The following CACNA2D3 variants were observed in gnomAD, a reference collection of about 807,000 sequenced individuals.
CACNA2D3 encodes voltage-dependent calcium channel subunit alpha-2/delta-3.
A neutral mutation model predicts 160.6 loss-of-function variants in CACNA2D3; 60 were observed. The ratio of observed to expected loss-of-function variants is 0.37; its 90% CI spans 0.30 to 0.46. CACNA2D3 has a LOEUF of 0.46. CACNA2D3 is among the 20% of genes least tolerant of loss of function. CACNA2D3 has a pLI of 1.00. For synonymous variants in CACNA2D3, 558 were observed against 492.9 expected (o/e 1.13, Z -1.75); for missense variants, 1,205 against 1,365.0 (o/e 0.88, Z 1.85).
At chr3:54,675,636 C>A (rs145385250) in intron 11 of CACNA2D3, among the ~76,000 whole-genome samples, 138 of 152,192 alleles carry the variant, frequency 9.1e-4, no homozygotes, top group African/African-American at 2.9e-3. Context: ...GGATGAAGGC[C>A]ATCATGCTGC....
At position 55,032,550 on chromosome 3, in the gene CACNA2D3, T is replaced by C. The variant is rs147919053; in HGVS notation, c.2987+14233T>C. Among the ~76,000 whole-genome samples, 5 of 152,254 alleles carry C rather than the reference T, an allele frequency of 3.3e-5. No individual in the cohort carries two copies. The East Asian group carries it at 9.7e-4, about 29-fold the overall frequency. ...TTAAACCAAATCAGGTAGGTTGAAA[T>C]AGTAGCAAAAAATACTGGCTTTGGC... On this transcript the variant is annotated intron_variant, in intron 35 of 37. Coordinates refer to ENST00000474759, the MANE Select transcript of CACNA2D3 (RefSeq NM_018398.3).
chr3:54,933,585 G>T (rs1482264031), intron 27 of CACNA2D3, among the ~76,000 whole-genome samples: 1 of 152,184 alleles, frequency 6.6e-6, no homozygotes, highest in African/African-American at 2.4e-5. Flanking sequence ...AGGCATAGCT[G>T]TTGGAGATCA....
At chr3:54,568,643 T>C (rs1315009592) in intron 6 of CACNA2D3, among the ~76,000 whole-genome samples, 2 of 152,230 alleles carry the variant, frequency 1.3e-5, no homozygotes, top group African/African-American at 4.8e-5. Context: ...TGCAACATCA[T>C]ATTAGTTGTA....
intron 26 of CACNA2D3, among the ~76,000 whole-genome samples, chr3:54,898,599 A>G: frequency 6.6e-6 from 1 of 152,218 alleles, no homozygotes; most frequent in Non-Finnish European, 1.5e-5. Flanking sequence ...AGACCTATGA[A>G]TAATAACATT....
chr3:54,815,807 G>A (rs1267401559), intron 13 of CACNA2D3, among the ~76,000 whole-genome samples: 1 of 152,218 alleles, frequency 6.6e-6, no homozygotes, highest in African/African-American at 2.4e-5. Context: ...ACGTAATACA[G>A]TGCCTGGTGA....
intron 4 of CACNA2D3, among the ~76,000 whole-genome samples, chr3:54,423,893 ATTT>A (rs11336791): frequency 1.2e-4 from 16 of 135,354 alleles, no homozygotes; most frequent in Admixed American, 2.2e-4. Flanking sequence ...TGAAATTCTT[ATTT>A]TTTTTTTTTT....
At chr3:54,711,244 G>C (rs1356825864) in intron 11 of CACNA2D3, among the ~76,000 whole-genome samples, 2 of 152,130 alleles carry the variant, frequency 1.3e-5, no homozygotes, top group South Asian at 2.1e-4. Flanking sequence ...GTGCCTCAGC[G>C]CTCCACATTG....
chr3:54,230,437 T>C (rs1457992740), intron 2 of CACNA2D3, among the ~76,000 whole-genome samples: 2 of 152,216 alleles, frequency 1.3e-5, no homozygotes, highest in Admixed American at 6.5e-5. Flanking sequence ...TGGTAAATTG[T>C]GAGGGTCATT....
At chr3:54,782,165 G>C (rs1246168036) in intron 13 of CACNA2D3, among the ~76,000 whole-genome samples, 2 of 152,178 alleles carry the variant, frequency 1.3e-5, no homozygotes, top group South Asian at 2.1e-4. Flanking sequence ...TTAAATACTA[G>C]CTGGAAGGTA....
intron 13 of CACNA2D3, among the ~76,000 whole-genome samples, chr3:54,809,311 C>CTTTCTTTTTTTTTTTTTTTTTTT (rs1703225811): frequency 1.2e-5 from 1 of 80,734 alleles, no homozygotes; most frequent in Non-Finnish European, 2.2e-5. Flanking sequence ...TTCCTTCTTT[C>CTTTCTTTTTTTTTTTTTTTTTTT]TTTTTTTTTT....
intron 2 of CACNA2D3, among the ~76,000 whole-genome samples, chr3:54,265,002 G>C (rs1159184601): frequency 6.6e-6 from 1 of 152,144 alleles, no homozygotes; most frequent in African/African-American, 2.4e-5. Context: ...CATTTGGATT[G>C]GTTCCAAATC....
chr3:55,074,204 T>TGACACTGACTG lies in CACNA2D3; in HGVS notation c.3275_*9dup. 1 of 1,611,302 alleles carries TGACACTGACTG rather than the reference T, an allele frequency of 6.2e-7. No individual in the cohort carries two copies. The highest frequency in any genetic ancestry group is 2.2e-5 in the East Asian group (1 of 44,854). On this transcript the variant is annotated frameshift_variant and stop_retained_variant, in exon 38 of 38. Transcript: ENST00000474759. LOFTEE classifies it high-confidence loss of function. The stretch of plus-strand genomic sequence containing the variant: ...TCTGCTTTTGATGCTCTTCTCAAGG[T>TGACACTGACTG]GACACTGACTGAGATGTTCTCTTAC...
intron 2 of CACNA2D3, among the ~76,000 whole-genome samples, chr3:54,257,622 AT>A (rs910755867): frequency 2.7e-5 from 4 of 150,248 alleles, no homozygotes; most frequent in Non-Finnish European, 4.4e-5. Flanking sequence ...AGACAGAGTA[AT>A]TTTTTTTCAT....
intron 4 of CACNA2D3, among the ~76,000 whole-genome samples, chr3:54,479,655 G>A (rs997183579): frequency 1.3e-5 from 2 of 152,142 alleles, no homozygotes; most frequent in Admixed American, 1.3e-4. Flanking sequence ...CGATAGGAGA[G>A]AAGGCTACAC....
intron 9 of CACNA2D3, among the ~76,000 whole-genome samples, chr3:54,582,479 A>G (rs1303054785): frequency 6.6e-6 from 1 of 152,238 alleles, no homozygotes. Flanking sequence ...ACTTCTGTAA[A>G]ATAAATCCTG....
intron 2 of CACNA2D3, among the ~76,000 whole-genome samples, chr3:54,163,658 A>G (rs533569865): frequency 6.6e-6 from 1 of 152,294 alleles, no homozygotes; most frequent in African/African-American, 2.4e-5. Context: ...ACTGCGAGCC[A>G]TTGGAGGCTT....
chr3:54,680,291 A>G lies in CACNA2D3; in HGVS notation c.1167+38050A>G, dbSNP rs925515399. 4.6e-5 allele frequency among the ~76,000 whole-genome samples: 7 copies of G among 152,248 alleles called. No homozygotes were observed. The South Asian group carries it at 6.2e-4, about 14-fold the overall frequency. Reference sequence around the variant, plus strand: ...GAAGCTGATAATCTTGCTCAGCTCAACAACACTTCCTTTTTATTCTAAGGT... The same window carrying G: ...GAAGCTGATAATCTTGCTCAGCTCAGCAACACTTCCTTTTTATTCTAAGGT... On this transcript the variant is annotated intron_variant, in intron 11 of 37. Coordinates refer to ENST00000474759, the MANE Select transcript of CACNA2D3 (RefSeq NM_018398.3).
intron 11 of CACNA2D3, among the ~76,000 whole-genome samples, chr3:54,721,414 T>C (rs1701166770): frequency 6.6e-6 from 1 of 152,266 alleles, no homozygotes; most frequent in South Asian, 2.1e-4. Context: ...TTAAAGAATG[T>C]TTTTAATGGG....
intron 33 of CACNA2D3, among the ~76,000 whole-genome samples, chr3:55,008,978 T>A (rs1179150193): frequency 6.6e-6 from 1 of 151,610 alleles, no homozygotes; most frequent in Non-Finnish European, 1.5e-5. Flanking sequence ...CATGTTTTAT[T>A]ACTACAGTTC....
Sources: allele counts gnomAD v4.1 joint callset (sites outside exome capture counted in the v4.1 genomes callset), GRCh38; gene constraint gnomAD v4.1.1; transcripts MANE v1.5; gene names NCBI Gene and HGNC (gene_info 2026-07-23, HGNC 2026-07-21).